PRKN: variants seen among roughly 807,000 people sequenced by gnomAD.
PRKN encodes the protein E3 ubiquitin-protein ligase parkin.
In PRKN, 56 loss-of-function variants were observed where a neutral mutation model predicts 59.5. That is an observed-to-expected ratio of 0.94 (90% CI 0.76 to 1.18). The LOEUF is 1.18. Among genes scored for constraint, PRKN ranks in the 50% most tolerant of loss-of-function variants. The pLI is 0.00. For missense variants in PRKN, 657 were observed against 596.4 expected, an observed-to-expected ratio of 1.10 and a Z score of -1.06; for synonymous variants, 250 against 222.1, an observed-to-expected ratio of 1.13 and a Z score of -1.12.
chr6:161,404,566 C>G (rs531709354), intron 9 of PRKN, among the ~76,000 whole-genome samples: 1 of 152,278 alleles, frequency 6.6e-6, no homozygotes, highest in East Asian at 1.9e-4. Context: ...ATGGCATCTG[C>G]AAAATTTAGT....
intron 7 of PRKN, among the ~76,000 whole-genome samples, chr6:161,685,968 G>C (rs535027816): frequency 1.3e-5 from 2 of 151,962 alleles, no homozygotes; most frequent in Non-Finnish European, 1.5e-5. Flanking sequence ...ATCACCGATG[G>C]GTTTTGCTTC....
chr6:162,296,696 A>C (rs1217293752), intron 2 of PRKN, among the ~76,000 whole-genome samples: 1 of 152,198 alleles, frequency 6.6e-6, no homozygotes, highest in Admixed American at 6.5e-5. Flanking sequence ...TATACCCAGC[A>C]GGAAAAAAGC....
chr6:161,902,800 G>T (rs948448126), intron 6 of PRKN, among the ~76,000 whole-genome samples: 4 of 151,916 alleles, frequency 2.6e-5, no homozygotes, highest in African/African-American at 9.7e-5. Flanking sequence ...CAAGTGATCT[G>T]CCCACCTCGG....
At chr6:161,821,247 GA>G (rs1792010531) in intron 6 of PRKN, among the ~76,000 whole-genome samples, 1 of 152,012 alleles carries the variant, frequency 6.6e-6, no homozygotes. Context: ...TGAAGCATAG[GA>G]TGTATTTAAA....
chr6:162,409,914 G>A lies in PRKN; in HGVS notation c.171+33396C>T, dbSNP rs532560623. On this transcript the variant is annotated intron_variant, in intron 2 of 11. Transcript: ENST00000366898. ...TCAGTGTGACATTTTCTTTTCACGG[G>A]ATATGTGCAACCATGCTGTTTAAAA... Among the ~76,000 whole-genome samples the A allele has an allele frequency of 3.0e-4, 45 of 152,304 alleles. 2 individuals are homozygous for A. In the South Asian group the frequency reaches 8.5e-3, roughly 29 times the overall value.
intron 1 of PRKN, among the ~76,000 whole-genome samples, chr6:162,453,597 A>C (rs1460599132): frequency 6.6e-6 from 1 of 152,042 alleles, no homozygotes; most frequent in African/African-American, 2.4e-5. Context: ...ATTACCAACA[A>C]AATAGGCAAT....
chr6:161,710,672 C>T (rs572070673), intron 7 of PRKN, among the ~76,000 whole-genome samples: 15 of 152,298 alleles, frequency 9.8e-5, no homozygotes, highest in Admixed American at 3.9e-4. Context: ...CATCTGCCAA[C>T]AAGCCAAAGC....
chr6:162,114,018 T>G (rs1234595370), intron 4 of PRKN, among the ~76,000 whole-genome samples: 20 of 151,700 alleles, frequency 1.3e-4, no homozygotes, highest in Non-Finnish European at 2.5e-4. Context: ...AAAGATCAGA[T>G]AGTTGTAGAT....
chr6:161,515,314 C>T (rs1778548203), intron 9 of PRKN, among the ~76,000 whole-genome samples: 1 of 152,136 alleles, frequency 6.6e-6, no homozygotes, highest in Admixed American at 6.5e-5. Context: ...AATAATAACA[C>T]CGTATTAACC....
chr6:161,959,361 G>T (rs1227208803), intron 6 of PRKN, among the ~76,000 whole-genome samples: 1 of 152,086 alleles, frequency 6.6e-6, no homozygotes, highest in East Asian at 1.9e-4. Context: ...CGACGGATAA[G>T]ATAAACTCAC....
chr6:161,921,311 T>C (rs1347859126), intron 6 of PRKN, among the ~76,000 whole-genome samples: 1 of 152,188 alleles, frequency 6.6e-6, no homozygotes, highest in Non-Finnish European at 1.5e-5. Flanking sequence ...TCATTTCCTA[T>C]AACAATGCCT....
In PRKN at chr6:161,373,245, G is replaced by A. The variant is rs527958968; in HGVS notation, c.1168-13040C>T. Among the ~76,000 whole-genome samples, 16 of 152,236 alleles carry A rather than the reference G, an allele frequency of 1.1e-4. No homozygotes were observed. Among genetic ancestry groups the A allele is most frequent in the Non-Finnish European group, 2.1e-4 (14 of 68,018 alleles). ...TTAACTGAGTATAGATGTTAACCAC[G>A]TCTACAAAAATACCTTCACAGCGAC... On this transcript the variant is annotated intron_variant, in intron 10 of 11. Transcript: ENST00000366898. The surrounding 1 kb of genome is among the most constrained non-coding windows in gnomAD (Gnocchi z 4.8).
intron 1 of PRKN, among the ~76,000 whole-genome samples, chr6:162,659,539 A>G (rs1778801892): frequency 6.6e-6 from 1 of 152,182 alleles, no homozygotes; most frequent in Non-Finnish European, 1.5e-5. Flanking sequence ...CATTTTGATC[A>G]TAATCAATAA....
chr6:162,406,560 T>A, intron 2 of PRKN, among the ~76,000 whole-genome samples: 1 of 152,252 alleles, frequency 6.6e-6, no homozygotes, highest in East Asian at 1.9e-4. Flanking sequence ...TCTTAATTAT[T>A]GACCTCGTTG....
chr6:161,777,910 G>GTATACATATATATGTA (rs1353420817), intron 7 of PRKN, among the ~76,000 whole-genome samples: 180 of 144,958 alleles, frequency 1.2e-3, no homozygotes, highest in South Asian at 2.1e-3. Flanking sequence ...ATATATATGT[G>GTATACATATATATGTA]TATATATATG....
At chr6:162,643,326 A>G (rs1374154907) in intron 1 of PRKN, among the ~76,000 whole-genome samples, 1 of 131,040 alleles carries the variant, frequency 7.6e-6, no homozygotes, top group Non-Finnish European at 1.6e-5. Flanking sequence ...TGAACCCAGG[A>G]GGTGGAGGTT....
At chr6:162,680,733 T>C (rs1486834612) in intron 1 of PRKN, among the ~76,000 whole-genome samples, 4 of 152,220 alleles carry the variant, frequency 2.6e-5, no homozygotes, top group African/African-American at 9.6e-5. Flanking sequence ...AACACTTTTA[T>C]AGAGTAAATA....
At chr6:162,033,025 A>T (rs1783699967) in intron 5 of PRKN, among the ~76,000 whole-genome samples, 1 of 152,152 alleles carries the variant, frequency 6.6e-6, no homozygotes. Context: ...CTCTTGTTTT[A>T]TTCTTGGTTT....
In PRKN at chr6:162,577,873, G is replaced by A. The variant is rs141260151; in HGVS notation, c.8-134400C>T. 2.5e-3 allele frequency among the ~76,000 whole-genome samples: 375 copies of A among 152,236 alleles called. 1 individual carries two copies. Among genetic ancestry groups the A allele is most frequent in the Non-Finnish European group, 4.5e-3 (304 of 68,008 alleles). On this transcript the variant is annotated intron_variant, in intron 1 of 11. Transcript: ENST00000366898. The stretch of plus-strand genomic sequence containing the variant: ...GAGCCCAGGAGGTCAAGGTTTCAGT[G>A]AGCTGGGATCACACCAGTGCAGTCC...
Sources: allele counts gnomAD v4.1 joint callset (sites outside exome capture counted in the v4.1 genomes callset), GRCh38; gene constraint gnomAD v4.1.1; non-coding constraint Gnocchi (gnomAD v3.1); transcripts MANE v1.5; gene names NCBI Gene and HGNC (gene_info 2026-07-23, HGNC 2026-07-21).